SIAH3: variants seen among roughly 807,000 people sequenced by gnomAD.
SIAH3 encodes siah E3 ubiquitin protein ligase family member 3.
In SIAH3, 9 loss-of-function variants were observed where a neutral mutation model predicts 12.6. That is an observed-to-expected ratio of 0.72 (90% CI 0.43 to 1.25). The LOEUF is 1.25. SIAH3 is among the 50% of genes most tolerant of loss of function. The pLI, the probability that SIAH3 is intolerant of heterozygous loss-of-function variation, is 0.00. For missense variants in SIAH3, 390 were observed against 365.4 expected, an observed-to-expected ratio of 1.07 and a Z score of -0.55; for synonymous variants, 154 against 151.1, an observed-to-expected ratio of 1.02 and a Z score of -0.14.
intron 1 of SIAH3, among the ~76,000 whole-genome samples, chr13:45,848,803 A>C (rs569861096): frequency 6.6e-6 from 1 of 152,356 alleles, no homozygotes; most frequent in African/African-American, 2.4e-5. Flanking sequence ...TCACCATTTC[A>C]TATACTGGCC....
intron 1 of SIAH3, among the ~76,000 whole-genome samples, 187 bp downstream of exon 1, chr13:45,851,308 C>G (rs998645418): frequency 6.6e-6 from 1 of 152,140 alleles, no homozygotes; most frequent in Non-Finnish European, 1.5e-5. Flanking sequence ...CACTCGGTCA[C>G]TAACAGCACC....
Position 45,783,673 on chromosome 13 carries a change from G to A in SIAH3, c.520C>T (p.Gln174Ter). Residue 174 changes from glutamine (Q) to a stop codon, truncating the protein, a stop_gained, in exon 2 of 2, where the codon CAG becomes TAG. Coordinates refer to ENST00000400405, the MANE Select transcript of SIAH3 (RefSeq NM_198849.3). LOFTEE classifies it high-confidence loss of function. ...GHHFLLVLRK[Q>*]ERHEGHPQFF... ...TGGGGGTGCCCTTCATGCCTCTCCT[G>A]TTTCCTCAGCACCAACAGAAAGTGG... 2 of 1,614,080 alleles carry A rather than the reference G, an allele frequency of 1.2e-6. No individual in the cohort carries two copies. Among genetic ancestry groups the A allele is most frequent in the Non-Finnish European group, 1.7e-6 (2 of 1,179,964 alleles).
At chr13:45,851,435 C>T in intron 1 of SIAH3, 60 bp downstream of exon 1, 2 of 1,600,204 alleles carry the variant, frequency 1.2e-6, no homozygotes, top group Non-Finnish European at 8.6e-7. Context: ...GGGTCGCTGC[C>T]GCCTCCGAGA....
At chr13:45,786,513 C>T (rs922542919) in intron 1 of SIAH3, among the ~76,000 whole-genome samples, 2 of 152,032 alleles carry the variant, frequency 1.3e-5, no homozygotes, top group South Asian at 2.1e-4. Flanking sequence ...GGCTGGAGGT[C>T]GAAAGACTCT....
intron 1 of SIAH3, among the ~76,000 whole-genome samples, chr13:45,844,704 G>C (rs1436334664): frequency 6.6e-6 from 1 of 152,104 alleles, no homozygotes; most frequent in Non-Finnish European, 1.5e-5. Context: ...TACATATTTG[G>C]TACTGAGGAA....
intron 1 of SIAH3, among the ~76,000 whole-genome samples, chr13:45,802,001 G>A (rs905440882): frequency 6.6e-6 from 1 of 152,176 alleles, no homozygotes; most frequent in African/African-American, 2.4e-5. Flanking sequence ...CTGAAAGACT[G>A]TTGCAGAGTA....
At chr13:45,813,242 G>A (rs1301287262) in intron 1 of SIAH3, among the ~76,000 whole-genome samples, 1 of 152,212 alleles carries the variant, frequency 6.6e-6, no homozygotes, top group Non-Finnish European at 1.5e-5. Context: ...GCCTATATCA[G>A]TACTGAGTCC....
chr13:45,829,465 C>T (rs766990867), intron 1 of SIAH3, among the ~76,000 whole-genome samples: 7 of 151,970 alleles, frequency 4.6e-5, no homozygotes, highest in East Asian at 1.9e-4. Flanking sequence ...AAATATTATC[C>T]GGGCATGGTG....
chr13:45,815,712 G>T (rs1349533873), intron 1 of SIAH3, among the ~76,000 whole-genome samples: 1 of 152,174 alleles, frequency 6.6e-6, no homozygotes, highest in Non-Finnish European at 1.5e-5. Context: ...GATGATTACA[G>T]TTGTTCACTC....
intron 1 of SIAH3, among the ~76,000 whole-genome samples, chr13:45,803,973 A>G (rs937159664): frequency 6.6e-6 from 1 of 152,202 alleles, no homozygotes; most frequent in Non-Finnish European, 1.5e-5. Context: ...TTTTTATCCA[A>G]TTACCTACAA....
At chr13:45,843,034 C>CTCTGTG (rs560128772) in intron 1 of SIAH3, among the ~76,000 whole-genome samples, 9 of 139,186 alleles carry the variant, frequency 6.5e-5, no homozygotes, top group African/African-American at 2.4e-4. Context: ...CTCTCTCTCT[C>CTCTGTG]TGTGTGTGTG....
Position 45,782,165 on chromosome 13 carries a change from C to G in SIAH3, c.*1218G>C, listed in dbSNP as rs1566084953. ...AGAAGATGTTGATGAATTGTTCTGA[C>G]AACCAAATAAGAGAAAGCAGCCTGC... On this transcript the variant is annotated 3_prime_UTR_variant, in exon 2 of 2. Transcript: ENST00000400405. 6.6e-6 allele frequency: 1 copy of G among 152,214 alleles called. No individual in the cohort carries two copies. Among genetic ancestry groups the G allele is most frequent in the Non-Finnish European group, 1.5e-5 (1 of 68,050 alleles). 9.4% of individuals were successfully genotyped at this position (152,214 alleles called of 1,614,324 possible). A position where few individuals can be genotyped will look rare whatever the true frequency, so the allele number is the denominator to read the frequency against.
chr13:45,799,672 A>T (rs1192117351), intron 1 of SIAH3, among the ~76,000 whole-genome samples: 1 of 152,172 alleles, frequency 6.6e-6, no homozygotes, highest in Non-Finnish European at 1.5e-5. Context: ...TTCTGGCTGC[A>T]GAGTGTGGGC....
intron 1 of SIAH3, among the ~76,000 whole-genome samples, chr13:45,829,324 T>C (rs1470944330): frequency 6.6e-6 from 1 of 152,150 alleles, no homozygotes; most frequent in African/African-American, 2.4e-5. Context: ...AGAACATGGC[T>C]GGGTGCAGTG....
At chr13:45,821,210 A>T (rs1950654651) in intron 1 of SIAH3, among the ~76,000 whole-genome samples, 1 of 152,250 alleles carries the variant, frequency 6.6e-6, no homozygotes, top group Admixed American at 6.5e-5. Context: ...ACATAGACAC[A>T]TAGAAAAGAT....
chr13:45,816,179 C>T (rs772658631), intron 1 of SIAH3, among the ~76,000 whole-genome samples: 19 of 152,350 alleles, frequency 1.2e-4, no homozygotes, highest in South Asian at 6.2e-4. Flanking sequence ...AAGGAGCTGA[C>T]GTCAAAGCTT....
chr13:45,813,167 G>A (rs745684245), intron 1 of SIAH3, among the ~76,000 whole-genome samples: 2 of 152,048 alleles, frequency 1.3e-5, no homozygotes, highest in South Asian at 2.1e-4. Flanking sequence ...CTGAGTCCCA[G>A]ACCCGGTGGG....
intron 1 of SIAH3, among the ~76,000 whole-genome samples, chr13:45,843,030 CTCTCTG>C (rs1282683607): frequency 1.6e-5 from 1 of 64,476 alleles, no homozygotes; most frequent in African/African-American, 4.7e-5. Context: ...CTCTCTCTCT[CTCTCTG>C]TGTGTGTGTG....
chr13:45,784,175 A>G, intron 1 of SIAH3, 118 bp from the exon 2 acceptor site: 1 of 980,942 alleles, frequency 1.0e-6, no homozygotes, highest in South Asian at 1.7e-5. Flanking sequence ...AGAAAGGTTC[A>G]TTTCTTAAAC....
Sources: allele counts gnomAD v4.1 joint callset (sites outside exome capture counted in the v4.1 genomes callset), GRCh38; gene constraint gnomAD v4.1.1; transcripts MANE v1.5; gene names NCBI Gene and HGNC (gene_info 2026-07-23, HGNC 2026-07-21).